CD226: variants seen among roughly 807,000 people sequenced by gnomAD.
CD226 encodes CD226 antigen.
In CD226, 24 loss-of-function variants were observed where a neutral mutation model predicts 34.9. That is an observed-to-expected ratio of 0.69 (90% CI 0.50 to 0.97). The LOEUF is 0.97. Ranked by LOEUF, CD226 falls within the 50% of genes least tolerant of loss-of-function variation. The probability of loss-of-function intolerance (pLI) is 0.00; values close to 1 mark genes in which losing one functional copy is unlikely to be tolerated. For synonymous variants in CD226, 148 were observed against 147.4 expected, an observed-to-expected ratio of 1.00 and a Z score of -0.03; for missense variants, 397 against 412.7, an observed-to-expected ratio of 0.96 and a Z score of 0.33.
intron 2 of CD226, among the ~76,000 whole-genome samples, chr18:69,929,910 C>G (rs1352242128): frequency 3.3e-5 from 5 of 152,206 alleles, no homozygotes; most frequent in African/African-American, 1.2e-4. Flanking sequence ...GTGTCTCTCT[C>G]TAGCCTATTG....
At chr18:69,875,674 C>T (rs1276982009) in intron 3 of CD226, among the ~76,000 whole-genome samples, 2 of 152,198 alleles carry the variant, frequency 1.3e-5, no homozygotes, top group African/African-American at 4.8e-5. Context: ...ACCTATTGGC[C>T]AGTGTTATGT....
intron 2 of CD226, among the ~76,000 whole-genome samples, chr18:69,901,376 T>C (rs1042037305): frequency 6.6e-6 from 1 of 152,166 alleles, no homozygotes; most frequent in Non-Finnish European, 1.5e-5. Context: ...CTTTTGAGAT[T>C]CAGGCTAAAA....
At chr18:69,959,925 C>A (rs2055921722), upstream of CD226, among the ~76,000 whole-genome samples, 1 of 152,176 alleles carries the variant, frequency 6.6e-6, no homozygotes, top group Non-Finnish European at 1.5e-5. Flanking sequence ...GCAGCCAAGC[C>A]TCTAGAAGTA....
intron 2 of CD226, among the ~76,000 whole-genome samples, chr18:69,903,371 C>A (rs1158176678): frequency 6.6e-6 from 1 of 152,114 alleles, no homozygotes; most frequent in Non-Finnish European, 1.5e-5. Flanking sequence ...TGTAGACTCC[C>A]TGTGTGCATT....
At chr18:69,917,010 C>G (rs780167409) in intron 2 of CD226, among the ~76,000 whole-genome samples, 1 of 152,174 alleles carries the variant, frequency 6.6e-6, no homozygotes, top group African/African-American at 2.4e-5. Flanking sequence ...CTTCCTCCTC[C>G]TTAATAGCCT....
chr18:69,932,967 T>A (rs1444495837), intron 2 of CD226, among the ~76,000 whole-genome samples: 1 of 152,152 alleles, frequency 6.6e-6, no homozygotes, highest in Non-Finnish European at 1.5e-5. Context: ...AATAAACATT[T>A]ATAGAATTAA....
intron 2 of CD226, among the ~76,000 whole-genome samples, chr18:69,918,336 T>C (rs1386226247): frequency 1.3e-5 from 2 of 152,168 alleles, no homozygotes; most frequent in East Asian, 3.9e-4. Context: ...GTGGATCACC[T>C]GAGGTCAGGA....
At chr18:69,898,095 A>G (rs910064247) in intron 2 of CD226, among the ~76,000 whole-genome samples, 19 of 152,186 alleles carry the variant, frequency 1.2e-4, no homozygotes, top group Admixed American at 9.8e-4. Context: ...AAGGAAAATT[A>G]AAATAAAAAT....
intron 4 of CD226, among the ~76,000 whole-genome samples, chr18:69,870,752 T>G (rs1412046751): frequency 1.3e-5 from 2 of 152,220 alleles, no homozygotes; most frequent in Non-Finnish European, 2.9e-5. Flanking sequence ...TTCAGTTTTG[T>G]TCAGGGACAC....
upstream of CD226, among the ~76,000 whole-genome samples, chr18:69,958,043 T>C (rs1420867931): frequency 6.6e-6 from 1 of 152,174 alleles, no homozygotes; most frequent in Non-Finnish European, 1.5e-5. Flanking sequence ...TTTCCTCACC[T>C]CTTATCCCTC....
rs1555675813 is a variant in CD226 at position 69,861,554 on chromosome 18, G to GTATATATATATATATATATGTATA, written c.*2759_*2760insTATACATATATATATATATATATA. 7.8e-6 allele frequency: 1 copy of GTATATATATATATATATATGTATA among 127,948 alleles called. No homozygotes were observed. Among genetic ancestry groups the GTATATATATATATATATATGTATA allele is most frequent in the Non-Finnish European group, 1.7e-5 (1 of 60,364 alleles). The allele number at this position is 127,948 out of a possible 1,614,324, so 7.9% of individuals were successfully genotyped here. A position where few individuals can be genotyped will look rare whatever the true frequency, so the allele number is the denominator to read the frequency against. The stretch of plus-strand genomic sequence containing the variant: ...ATAAATTATATGTGTATATATATAT[G>GTATATATATATATATATATGTATA]TATATATATATATATATATGTAAAA... On this transcript the variant is annotated 3_prime_UTR_variant, in exon 6 of 6. Coordinates refer to ENST00000582621, the MANE Select transcript of CD226 (RefSeq NM_001303618.2).
chr18:69,883,462 A>G (rs1282185350), intron 3 of CD226, among the ~76,000 whole-genome samples: 3 of 152,206 alleles, frequency 2.0e-5, no homozygotes, highest in Admixed American at 2.0e-4. Flanking sequence ...TTCTCATTAT[A>G]TCCCACCACA....
intron 3 of CD226, among the ~76,000 whole-genome samples, chr18:69,889,924 A>G (rs1296463931): frequency 6.6e-6 from 1 of 152,208 alleles, no homozygotes; most frequent in Non-Finnish European, 1.5e-5. Context: ...ATTATGTGCC[A>G]CTTATATTAA....
At chr18:69,952,466 T>A (rs935953080), upstream of CD226, among the ~76,000 whole-genome samples, 3 of 152,188 alleles carry the variant, frequency 2.0e-5, no homozygotes, top group Non-Finnish European at 4.4e-5. Flanking sequence ...CTATGAACAA[T>A]TGATATTCAA....
chr18:69,867,682 G>C (rs1983237408), intron 4 of CD226, among the ~76,000 whole-genome samples: 1 of 152,070 alleles, frequency 6.6e-6, no homozygotes, highest in Non-Finnish European at 1.5e-5. Context: ...ACTAAAGAAT[G>C]ATTTATAGTG....
intron 2 of CD226, among the ~76,000 whole-genome samples, chr18:69,906,399 T>C (rs1218005320): frequency 6.6e-6 from 1 of 152,146 alleles, no homozygotes; most frequent in Non-Finnish European, 1.5e-5. Flanking sequence ...GCTCTGAAAA[T>C]TGGAAGATAA....
chr18:69,894,071 GAAGAA>G (rs1985062156), intron 3 of CD226, among the ~76,000 whole-genome samples: 1 of 151,468 alleles, frequency 6.6e-6, no homozygotes, highest in African/African-American at 2.4e-5. Flanking sequence ...AGAAGGGAAG[GAAGAA>G]AAGAAAAGGG....
chr18:69,876,139 A>G (rs1983850132), intron 3 of CD226, among the ~76,000 whole-genome samples: 1 of 152,196 alleles, frequency 6.6e-6, no homozygotes, highest in South Asian at 2.1e-4. Context: ...GGGCTTTTTT[A>G]TATTTTCCAA....
rs1474862054 is a variant in CD226, at chr18:69,872,068, G to GTGTGTA, written c.830+1075_830+1076insTACACA. On this transcript the variant is annotated intron_variant, in intron 4 of 5. Coordinates refer to ENST00000582621, the MANE Select transcript of CD226 (RefSeq NM_001303618.2). ...TCCTATTAACAAGGGGTGTGTGTGT[G>GTGTGTA]TGTGTGTGTGTGTGTGTGTGTGGTG... Among the ~76,000 whole-genome samples the GTGTGTA allele has an allele frequency of 1.3e-3, 204 of 151,332 alleles. 2 individuals are homozygous for GTGTGTA. The highest frequency in any genetic ancestry group is 4.8e-3 in the African/African-American group (199 of 41,222).
Sources: gnomAD v4.1 joint callset for allele counts (sites outside exome capture counted in the v4.1 genomes callset) on GRCh38, gnomAD v4.1.1 for gene constraint, MANE v1.5 for transcripts, NCBI Gene and HGNC (gene_info 2026-07-23, HGNC 2026-07-21) for gene names.